The following SCHIP1 variants were observed in gnomAD, a reference collection of about 807,000 sequenced individuals.
The protein encoded by SCHIP1 is schwannomin interacting protein 1.
In SCHIP1, 8 loss-of-function variants were observed where a neutral mutation model predicts 29.7. The ratio of observed to expected loss-of-function variants is 0.27; its 90% CI spans 0.16 to 0.49. SCHIP1 has a LOEUF of 0.49. Among genes scored for constraint, SCHIP1 ranks in the 20% least tolerant of loss-of-function variants. The probability of loss-of-function intolerance (pLI) is 0.99; values close to 1 mark genes in which losing one functional copy is unlikely to be tolerated. For missense variants in SCHIP1, 193 were observed against 294.6 expected (o/e 0.66, Z 2.52); for synonymous variants, 76 against 94.9 (o/e 0.80, Z 1.16).
chr3:159,785,379 T>C, the SCHIP1 span, among the ~76,000 whole-genome samples: 1 of 152,192 alleles, frequency 6.6e-6, no homozygotes, highest in Non-Finnish European at 1.5e-5. Flanking sequence ...CAAGCTTCCA[T>C]AAATGTAGTG....
At chr3:159,680,706 T>TATATATGTATATATAATATAC in the SCHIP1 span, among the ~76,000 whole-genome samples, 7 of 12,410 alleles carry the variant, frequency 5.6e-4, no homozygotes, top group African/African-American at 1.5e-3. Flanking sequence ...TAATATATAT[T>TATATATGTATATATAATATAC]ATATATAATA....
chr3:159,846,825 A>G (rs1230010918), intron 1 of SCHIP1, among the ~76,000 whole-genome samples: 2 of 152,126 alleles, frequency 1.3e-5, no homozygotes, highest in East Asian at 3.8e-4. Flanking sequence ...TTTTCCAAAG[A>G]GGGAGTAACC....
chr3:159,564,299 A>G, the SCHIP1 span, among the ~76,000 whole-genome samples: 1 of 152,182 alleles, frequency 6.6e-6, no homozygotes, highest in Admixed American at 6.5e-5. Flanking sequence ...GATCAAGAGC[A>G]TGACCAGCAA....
At chr3:159,556,741 G>A in the SCHIP1 span, among the ~76,000 whole-genome samples, 4 of 135,924 alleles carry the variant, frequency 2.9e-5, no homozygotes, top group Non-Finnish European at 6.2e-5. Context: ...ACACAGGAAG[G>A]GGAACATCAC....
the SCHIP1 span, among the ~76,000 whole-genome samples, chr3:159,445,669 C>A: frequency 2.0e-5 from 3 of 152,076 alleles, no homozygotes; most frequent in Non-Finnish European, 4.4e-5. Context: ...AAATGTGGCA[C>A]ATATATACCA....
intron 6 of SCHIP1, chr3:159,894,063 G>A (rs925641313): frequency 7.2e-5 from 11 of 152,158 alleles, no homozygotes; most frequent in Non-Finnish European, 1.3e-4. Context: ...ATTCAAATCA[G>A]TAGTTCTCAA....
chr3:159,392,647 AT>A, the SCHIP1 span, among the ~76,000 whole-genome samples: 1 of 151,810 alleles, frequency 6.6e-6, no homozygotes, highest in Non-Finnish European at 1.5e-5. Context: ...TGAACTCATC[AT>A]TTTTTATGGC....
the SCHIP1 span, among the ~76,000 whole-genome samples, chr3:159,653,738 G>A: frequency 1.7e-4 from 24 of 141,968 alleles, no homozygotes; most frequent in South Asian, 2.0e-3. Context: ...CATGTATCCC[G>A]GAACTTAAAG....
the SCHIP1 span, among the ~76,000 whole-genome samples, chr3:159,520,901 A>G: frequency 7.9e-3 from 1,205 of 152,340 alleles, 24 homozygotes; most frequent in Admixed American, 0.044. Flanking sequence ...GGTTATTTCA[A>G]TATTTACTAC....
chr3:159,352,269 C>G, the SCHIP1 span, among the ~76,000 whole-genome samples: 2 of 152,174 alleles, frequency 1.3e-5, no homozygotes, highest in African/African-American at 4.8e-5. Flanking sequence ...TTTCATTCAG[C>G]TCCTTAAATA....
chr3:159,327,114 C>G, the SCHIP1 span, among the ~76,000 whole-genome samples: 1 of 152,128 alleles, frequency 6.6e-6, no homozygotes, highest in Non-Finnish European at 1.5e-5. Flanking sequence ...AAGGAAATTA[C>G]CTGCTCTAGA....
At chr3:159,684,466 T>C in the SCHIP1 span, among the ~76,000 whole-genome samples, 1 of 152,126 alleles carries the variant, frequency 6.6e-6, no homozygotes, top group African/African-American at 2.4e-5. Flanking sequence ...AACCCTTCCA[T>C]GTTACAGTCA....
chr3:159,397,511 C>A, the SCHIP1 span, among the ~76,000 whole-genome samples: 1 of 152,008 alleles, frequency 6.6e-6, no homozygotes, highest in African/African-American at 2.4e-5. Context: ...TGTGGATGTC[C>A]TTTCTGTTTG....
the SCHIP1 span, among the ~76,000 whole-genome samples, chr3:159,395,725 G>T: frequency 6.6e-6 from 1 of 151,952 alleles, no homozygotes; most frequent in East Asian, 1.9e-4. Flanking sequence ...TTGCTGAGGA[G>T]AGCTTTACTT....
At chr3:159,851,161 A>G (rs565037317) in intron 1 of SCHIP1, among the ~76,000 whole-genome samples, 33 of 152,276 alleles carry the variant, frequency 2.2e-4, no homozygotes, top group African/African-American at 7.9e-4. Context: ...TATAGTCCCT[A>G]TACTATCTAG....
At chr3:159,744,522 T>C in the SCHIP1 span, among the ~76,000 whole-genome samples, 1 of 152,244 alleles carries the variant, frequency 6.6e-6, no homozygotes, top group Non-Finnish European at 1.5e-5. Flanking sequence ...AGAGAAATAC[T>C]TTTCCCCCTG....
the SCHIP1 span, among the ~76,000 whole-genome samples, chr3:159,701,546 T>C: frequency 1.3e-5 from 2 of 152,192 alleles, no homozygotes; most frequent in Non-Finnish European, 1.5e-5. Flanking sequence ...AACATTTATT[T>C]TCCTTTATAA....
chr3:159,802,694 G>A, the SCHIP1 span, among the ~76,000 whole-genome samples: 4 of 152,298 alleles, frequency 2.6e-5, no homozygotes, highest in African/African-American at 7.2e-5. Context: ...GTGGCTTGTC[G>A]TGATGATGAA....
the SCHIP1 span, among the ~76,000 whole-genome samples, chr3:159,278,631 A>G: frequency 6.6e-6 from 1 of 152,110 alleles, no homozygotes; most frequent in Non-Finnish European, 1.5e-5. Flanking sequence ...TCCAATTGTC[A>G]TCTATTCTTT....
Sources: allele counts gnomAD v4.1 joint callset (sites outside exome capture counted in the v4.1 genomes callset), GRCh38; gene constraint gnomAD v4.1.1; transcripts MANE v1.5; gene names NCBI Gene and HGNC (gene_info 2026-07-23, HGNC 2026-07-21).